Variants in NBEA observed in about 807,000 individuals in gnomAD.
NBEA encodes the protein lysosomal-trafficking regulator 2.
NBEA carries 44 observed loss-of-function variants against 343.4 expected under a neutral mutation model. The observed-to-expected ratio is 0.13, with a 90% CI of 0.10 to 0.16. The LOEUF is 0.16. Among genes scored for constraint, NBEA ranks in the 10% least tolerant of loss-of-function variants. The probability of loss-of-function intolerance (pLI) is 1.00; values close to 1 mark genes in which losing one functional copy is unlikely to be tolerated. For synonymous variants in NBEA, 1,175 were observed against 1,238.7 expected, an observed-to-expected ratio of 0.95 and a Z score of 1.08; for missense variants, 2,555 against 3,631.3, an observed-to-expected ratio of 0.70 and a Z score of 7.62.
At chr13:35,478,947 C>G (rs2076004923) in intron 41 of NBEA, among the ~76,000 whole-genome samples, 1 of 152,254 alleles carries the variant, frequency 6.6e-6, no homozygotes, top group African/African-American at 2.4e-5. Flanking sequence ...CCGGTCGGGC[C>G]TGGCTGGAGC....
intron 1 of NBEA, among the ~76,000 whole-genome samples, chr13:35,029,603 C>T (rs1390927698): frequency 6.6e-6 from 1 of 151,588 alleles, no homozygotes; most frequent in African/African-American, 2.4e-5. Context: ...AGCAGTTTAA[C>T]AATTGTTCAC....
intron 39 of NBEA, among the ~76,000 whole-genome samples, chr13:35,443,057 A>G (rs1242462036): frequency 1.3e-5 from 2 of 152,070 alleles, no homozygotes; most frequent in African/African-American, 4.8e-5. Flanking sequence ...TTAAATTCCA[A>G]TCAATTGTTT....
chr13:35,162,828 A>G (rs1033638702), intron 23 of NBEA, among the ~76,000 whole-genome samples: 1 of 152,122 alleles, frequency 6.6e-6, no homozygotes, highest in African/African-American at 2.4e-5. Context: ...AACAAAATAT[A>G]AAATGTGTGT....
intron 47 of NBEA, among the ~76,000 whole-genome samples, chr13:35,604,438 G>C (rs747040323): frequency 2.2e-4 from 34 of 151,940 alleles, no homozygotes; most frequent in Admixed American, 3.9e-4. Context: ...CTCTGTTGTA[G>C]ATTTCCCCTC....
chr13:35,557,368 C>G (rs183031210), intron 44 of NBEA, among the ~76,000 whole-genome samples: 161 of 152,212 alleles, frequency 1.1e-3, no homozygotes, highest in Middle Eastern at 6.8e-3. Flanking sequence ...GGAAAGGTTG[C>G]TGTGTCTAAA....
At chr13:35,061,791 A>G (rs1190750698) in intron 8 of NBEA, among the ~76,000 whole-genome samples, 7 of 151,706 alleles carry the variant, frequency 4.6e-5, no homozygotes, top group African/African-American at 1.2e-4. Context: ...CTCACAAATA[A>G]CCATTTGTAA....
At chr13:35,395,173 A>G (rs2152902656) in intron 38 of NBEA, among the ~76,000 whole-genome samples, 1 of 152,122 alleles carries the variant, frequency 6.6e-6, no homozygotes, top group African/African-American at 2.4e-5. Context: ...TATATGACAT[A>G]TCTTGTCAAA....
intron 49 of NBEA, among the ~76,000 whole-genome samples, chr13:35,641,205 C>A (rs2083931599): frequency 6.6e-6 from 1 of 152,006 alleles, no homozygotes; most frequent in Admixed American, 6.6e-5. Flanking sequence ...CAGCTTCGAC[C>A]ATTACATTTT....
At chr13:35,352,382 A>G (rs2040242119) in intron 38 of NBEA, 59 bp downstream of exon 38, 4 of 919,892 alleles carry the variant, frequency 4.3e-6, no homozygotes, top group Middle Eastern at 3.3e-4. Flanking sequence ...ATAGTTGGTA[A>G]TAAAAATATG....
rs1385110115 is a variant in NBEA, at chr13:35,357,172, A to G, written c.6179+4849A>G. Among the ~76,000 whole-genome samples, 3 of 135,026 alleles carry G rather than the reference A, an allele frequency of 2.2e-5. No individual in the cohort carries two copies. In the South Asian group the frequency reaches 6.8e-4, roughly 31 times the overall value. The allele number at this position is 135,026 out of a possible 152,430, so 88.6% of individuals were successfully genotyped here. A position where few individuals can be genotyped will look rare whatever the true frequency, so the allele number is the denominator to read the frequency against. On this transcript the variant is annotated intron_variant, in intron 38 of 58. Coordinates refer to ENST00000379939, the MANE Select transcript of NBEA (RefSeq NM_001385012.1). ...CACTTGTGTAGATAGCATGTAAGCT[A>G]GTTTTGATACTTTCCACATAGAATT...
At position 35,476,846 on chromosome 13, in the gene NBEA, C is replaced by T. The variant is rs901637136; in HGVS notation, c.6585+4310C>T. ...AGGCACACAAACTAAAGGTAGGAGG[C>T]TGCTGCCGGCGGAAAACCACTCAGG... On this transcript the variant is annotated intron_variant, in intron 41 of 58. Coordinates refer to ENST00000379939, the MANE Select transcript of NBEA (RefSeq NM_001385012.1). The T allele has an allele frequency of 4.1e-5, 41 of 1,005,386 alleles. No individual in the cohort carries two copies. In the Admixed American group the frequency reaches 8.9e-4, roughly 22 times the overall value. 62.3% of individuals were successfully genotyped at this position (1,005,386 alleles called of 1,614,324 possible).
Position 35,110,071 on chromosome 13 carries a change from T to C in NBEA, c.1833+629T>C, listed in dbSNP as rs555560627. On this transcript the variant is annotated intron_variant, in intron 12 of 58. Transcript: ENST00000379939. ...TTTTTTAAATGTTTTTTTTTTTTATTATACTCTAAGTTTTAGGGTACATGT... is the reference window on the plus strand; with the variant it reads ...TTTTTTAAATGTTTTTTTTTTTTATCATACTCTAAGTTTTAGGGTACATGT... Among the ~76,000 whole-genome samples, 4 of 148,788 alleles carry C rather than the reference T, an allele frequency of 2.7e-5. No homozygotes were observed. The South Asian group carries it at 8.5e-4, about 32-fold the overall frequency.
chr13:35,619,918 G>A (rs866469888), intron 48 of NBEA, among the ~76,000 whole-genome samples: 1 of 152,160 alleles, frequency 6.6e-6, no homozygotes, highest in East Asian at 1.9e-4. Flanking sequence ...CCTACTCTAA[G>A]TGAAGTTAGA....
chr13:35,057,630 A>C (rs2063319062), intron 7 of NBEA, among the ~76,000 whole-genome samples: 1 of 152,148 alleles, frequency 6.6e-6, no homozygotes, highest in Non-Finnish European at 1.5e-5. Context: ...TAGAATACAC[A>C]GATGAAATTC....
intron 13 of NBEA, among the ~76,000 whole-genome samples, chr13:35,112,344 A>AT (rs2066259240): frequency 6.6e-6 from 1 of 152,080 alleles, no homozygotes; most frequent in Non-Finnish European, 1.5e-5. Context: ...CAAGCACTCT[A>AT]CATGTTAATT....
In NBEA at chr13:35,314,048, A is replaced by C. The variant is rs1398716638; in HGVS notation, c.5903+4456A>C. On this transcript the variant is annotated intron_variant, in intron 36 of 58. Transcript: ENST00000379939. ...AGCATAAACTCTCTGAGAGGGGTGC[A>C]TTGAGATAGAAGGATTGGCCTTTAG... 1.2e-4 allele frequency among the ~76,000 whole-genome samples: 18 copies of C among 152,154 alleles called. 1 individual carries two copies. Among genetic ancestry groups the C allele is most frequent in the Admixed American group, 1.2e-3 (18 of 15,266 alleles).
chr13:34,973,782 T>TG lies in NBEA; in HGVS notation c.294+30672dup, dbSNP rs767484618. Among the ~76,000 whole-genome samples, 18 of 152,142 alleles carry TG rather than the reference T, an allele frequency of 1.2e-4. 1 individual carries two copies. The highest frequency in any genetic ancestry group is 6.3e-3 in the Middle Eastern group (2 of 316). On this transcript the variant is annotated intron_variant, in intron 1 of 58. Coordinates refer to ENST00000379939, the MANE Select transcript of NBEA (RefSeq NM_001385012.1). ...CTTATCCTCTGTGGTGCCATGGAAG[T>TG]GGGGTCCGCAGACCGTTACTGCCTG... is the stretch of plus-strand genomic sequence containing the variant.
chr13:35,558,385 G>T (rs1485579662), intron 44 of NBEA, among the ~76,000 whole-genome samples: 1 of 152,114 alleles, frequency 6.6e-6, no homozygotes, highest in Non-Finnish European at 1.5e-5. Context: ...AGCAGAAAAA[G>T]CTTCCCATAG....
chr13:35,042,888 G>A (rs1329061417), intron 2 of NBEA, among the ~76,000 whole-genome samples: 1 of 151,712 alleles, frequency 6.6e-6, no homozygotes, highest in Non-Finnish European at 1.5e-5. Flanking sequence ...TGAATGTATT[G>A]TAGTATGTTA....
Sources: allele counts gnomAD v4.1 joint callset (sites outside exome capture counted in the v4.1 genomes callset), GRCh38; gene constraint gnomAD v4.1.1; transcripts MANE v1.5; gene names NCBI Gene and HGNC (gene_info 2026-07-23, HGNC 2026-07-21).